IFT80: variants seen among roughly 807,000 people sequenced by gnomAD.
IFT80 encodes intraflagellar transport 80.
In IFT80, 79 loss-of-function variants were observed where a neutral mutation model predicts 107.9. The observed-to-expected ratio is 0.73, with a 90% CI of 0.61 to 0.88. IFT80 has a LOEUF of 0.88. Ranked by LOEUF, IFT80 falls within the 40% of genes least tolerant of loss-of-function variation. The probability of loss-of-function intolerance (pLI) is 0.00; values close to 1 mark genes in which losing one functional copy is unlikely to be tolerated. For synonymous variants in IFT80, 299 were observed against 300.9 expected (o/e 0.99, Z 0.07); for missense variants, 797 against 914.2 (o/e 0.87, Z 1.65).
intron 8 of IFT80, among the ~76,000 whole-genome samples, chr3:160,353,499 G>C (rs1434445654): frequency 6.6e-6 from 1 of 152,104 alleles, no homozygotes; most frequent in Non-Finnish European, 1.5e-5. Context: ...ATTATCTCCT[G>C]GTATTATGCC....
chr3:160,381,784 C>A (rs969923572), intron 2 of IFT80, 60 bp from the exon 3 acceptor site: 70 of 1,314,358 alleles, frequency 5.3e-5, no homozygotes, highest in Non-Finnish European at 7.7e-5. Flanking sequence ...ATGAATAATT[C>A]ACAGATGCAG....
chr3:160,297,989 A>G (rs920980674), intron 12 of IFT80, among the ~76,000 whole-genome samples: 2 of 152,176 alleles, frequency 1.3e-5, no homozygotes, highest in Non-Finnish European at 2.9e-5. Context: ...CCCAACTTCC[A>G]GACATTTGTT....
chr3:160,259,849 A>G (rs552717159), intron 19 of IFT80, among the ~76,000 whole-genome samples: 5 of 152,330 alleles, frequency 3.3e-5, no homozygotes, highest in South Asian at 4.1e-4. Context: ...GATTAAACTA[A>G]CTCTGATTTA....
chr3:160,276,538 C>T (rs1033736317), intron 18 of IFT80, among the ~76,000 whole-genome samples: 3 of 152,124 alleles, frequency 2.0e-5, no homozygotes, highest in Admixed American at 6.5e-5. Context: ...CAAACTACAT[C>T]AGGAGTACAT....
chr3:160,375,918 T>A, intron 4 of IFT80, 38 bp from the exon 5 acceptor site: 1 of 1,315,022 alleles, frequency 7.6e-7, no homozygotes, highest in South Asian at 1.2e-5. Context: ...TATTTTTACC[T>A]ATAGAAAATA....
chr3:160,334,364 G>A (rs1023501951), intron 8 of IFT80, among the ~76,000 whole-genome samples: 4 of 151,454 alleles, frequency 2.6e-5, no homozygotes, highest in Non-Finnish European at 5.9e-5. Context: ...ATAGGGGTTT[G>A]TTATACCAGT....
chr3:160,346,036 C>CA (rs1250276089), intron 8 of IFT80, among the ~76,000 whole-genome samples: 14 of 151,866 alleles, frequency 9.2e-5, no homozygotes, highest in Admixed American at 5.9e-4. Flanking sequence ...TGTGTATCTA[C>CA]AAAAATTAAA....
chr3:160,361,507 A>G (rs946385208), intron 6 of IFT80, among the ~76,000 whole-genome samples: 2 of 152,202 alleles, frequency 1.3e-5, no homozygotes, highest in Admixed American at 1.3e-4. Flanking sequence ...ACTTGAACTC[A>G]GCTCTGCACC....
rs201567670 is a variant in IFT80 at position 160,319,955 on chromosome 3, C to A, written c.778-16G>T. The stretch of plus-strand genomic sequence containing the variant: ...CATATGACCACTGGGGGAGAAAAAA[C>A]AAGAAAAAGATGGACTTACTGAAAA... On this transcript the variant is annotated splice_polypyrimidine_tract_variant and intron_variant, in intron 8 of 19. Transcript: ENST00000326448. 6.2e-7 allele frequency: 1 copy of A among 1,603,328 alleles called. No individual in the cohort carries two copies. Among genetic ancestry groups the A allele is most frequent in the Non-Finnish European group, 8.5e-7 (1 of 1,176,542 alleles).
chr3:160,395,964 G>C (rs1331988449), intron 1 of IFT80, among the ~76,000 whole-genome samples: 1 of 151,596 alleles, frequency 6.6e-6, no homozygotes, highest in Non-Finnish European at 1.5e-5. Flanking sequence ...CCTTGGTCTG[G>C]TGCTAGCTTC....
chr3:160,265,036 C>T (rs921123790), intron 19 of IFT80, among the ~76,000 whole-genome samples: 4 of 152,158 alleles, frequency 2.6e-5, no homozygotes, highest in Non-Finnish European at 5.9e-5. Flanking sequence ...AGTCTTATAG[C>T]ACCACGTACA....
intron 12 of IFT80, among the ~76,000 whole-genome samples, chr3:160,293,944 T>A (rs1281455837): frequency 1.3e-5 from 2 of 152,188 alleles, no homozygotes; most frequent in Non-Finnish European, 2.9e-5. Flanking sequence ...AACACATTGA[T>A]GTGCCAGGAA....
intron 8 of IFT80, among the ~76,000 whole-genome samples, chr3:160,331,917 A>G (rs941809785): frequency 2.0e-5 from 3 of 152,124 alleles, no homozygotes; most frequent in Non-Finnish European, 2.9e-5. Flanking sequence ...TTGGCCTCCC[A>G]AAGTGCTGGG....
At chr3:160,388,521 AAGATGT>A (rs1372195594) in intron 1 of IFT80, among the ~76,000 whole-genome samples, 1 of 150,576 alleles carries the variant, frequency 6.6e-6, no homozygotes, top group Non-Finnish European at 1.5e-5. Flanking sequence ...TGGTCTCAGA[AAGATGT>A]CATGTCCTAA....
At chr3:160,381,239 A>AATATATATATATATATAT (rs56915671) in intron 3 of IFT80, among the ~76,000 whole-genome samples, 947 of 86,046 alleles carry the variant, frequency 0.011, 40 homozygotes, top group Admixed American at 0.029. Context: ...CCCATCTCTA[A>AATATATATATATATATAT]ATATATATAT....
At chr3:160,266,600 T>C (rs1713350871) in intron 19 of IFT80, among the ~76,000 whole-genome samples, 1 of 152,094 alleles carries the variant, frequency 6.6e-6, no homozygotes, top group Non-Finnish European at 1.5e-5. Context: ...CCTAAGCTGG[T>C]CTCAAACTCC....
At chr3:160,275,178 TGAA>T in intron 18 of IFT80, among the ~76,000 whole-genome samples, 2 of 152,342 alleles carry the variant, frequency 1.3e-5, no homozygotes, top group East Asian at 3.9e-4. Flanking sequence ...TCATAACCAC[TGAA>T]TAAGTGGAGG....
intron 11 of IFT80, 143 bp downstream of exon 11, chr3:160,303,768 TTTTC>T: frequency 4.9e-6 from 3 of 611,542 alleles, no homozygotes; most frequent in East Asian, 2.8e-5. Flanking sequence ...TTATTTATTC[TTTTC>T]TTTTTCTTCT....
intron 9 of IFT80, 152 bp from the exon 10 acceptor site, chr3:160,307,933 T>C: frequency 1.6e-6 from 1 of 612,108 alleles, no homozygotes; most frequent in Non-Finnish European, 2.9e-6. Flanking sequence ...AGGCATAAGA[T>C]AGTATACCTA....
Sources: gnomAD v4.1 joint callset for allele counts (sites outside exome capture counted in the v4.1 genomes callset) on GRCh38, gnomAD v4.1.1 for gene constraint, MANE v1.5 for transcripts, NCBI Gene and HGNC (gene_info 2026-07-23, HGNC 2026-07-21) for gene names.